COL12A1: variants seen among roughly 807,000 people sequenced by gnomAD.
COL12A1 encodes collagen type XII alpha 1 chain.
A neutral mutation model predicts 349.7 loss-of-function variants in COL12A1; 114 were observed. The observed-to-expected ratio is 0.33, with a 90% CI of 0.28 to 0.38. The LOEUF (loss-of-function observed/expected upper bound fraction) is 0.38, where lower values mean the gene tolerates loss of function less well. COL12A1 is among the 10% of genes least tolerant of loss of function. The pLI is 1.00. For missense variants in COL12A1, 3,284 were observed against 3,756.9 expected, an observed-to-expected ratio of 0.87 and a Z score of 3.29; for synonymous variants, 1,369 against 1,329.0, an observed-to-expected ratio of 1.03 and a Z score of -0.66.
Position 75,183,064 on chromosome 6 carries a change from G to A in COL12A1, c.1877C>T (p.Ala626Val), listed in dbSNP as rs369924790. The A allele has an allele frequency of 5.6e-6, 9 of 1,604,288 alleles. No individual in the cohort carries two copies. Among genetic ancestry groups the A allele is most frequent in the Middle Eastern group, 1.7e-4 (1 of 6,018 alleles). ...ICLRIEQELA[A>V]IKKKAYVPPK... Reference sequence around the variant, plus strand: ...AGTCTACTAACCTTTCTTCTTTATAGCTGCCAATTCTTGCTCAATTCTAAG... The same window carrying A: ...AGTCTACTAACCTTTCTTCTTTATAACTGCCAATTCTTGCTCAATTCTAAG... Residue 626 changes from alanine (A) to valine (V), a missense_variant, in exon 10 of 66, where the codon GCT becomes GTT. By Grantham distance (64) the Ala-to-Val change is moderately conservative (BLOSUM62 0). Around this residue, in one of 2 missense-constraint regions of COL12A1, gnomAD observed 2,601 missense variants for 2,824.8 expected, o/e 0.92. Coordinates refer to ENST00000322507, the MANE Select transcript of COL12A1 (RefSeq NM_004370.6).
chr6:75,182,730 A>G (rs1013961168), intron 10 of COL12A1, among the ~76,000 whole-genome samples: 49 of 152,172 alleles, frequency 3.2e-4, no homozygotes, highest in African/African-American at 1.1e-3. Context: ...CATAGTGAAC[A>G]CCCCATACAT....
At position 75,130,951 on chromosome 6, in the gene COL12A1, G is replaced by A; in HGVS notation, c.5968C>T (p.His1990Tyr). 7.4e-6 allele frequency: 12 copies of A among 1,614,160 alleles called. No individual in the cohort carries two copies. The highest frequency in any genetic ancestry group is 1.0e-5 in the Non-Finnish European group (12 of 1,180,006). ...IVVPGNTRMVHLERLIPDTLY... is the reference protein window; with the variant it reads ...IVVPGNTRMVYLERLIPDTLY... ...GTGTCCGGAATCAGCCGCTCCAGAT[G>A]CACCATGCGCGTGTTTCCTGGCACT... The change falls in exon 36 of 66, where the codon CAT (histidine) becomes TAT (tyrosine). Residue 1990 changes from histidine (H) to tyrosine (Y), a missense_variant. Transcript: ENST00000322507.
chr6:75,187,016 G>A (rs992615836), intron 8 of COL12A1, among the ~76,000 whole-genome samples: 1 of 151,784 alleles, frequency 6.6e-6, no homozygotes, highest in African/African-American at 2.4e-5. Flanking sequence ...AATAACTAAT[G>A]GGTACTAGGC....
chr6:75,201,542 C>T (rs1299444376), intron 2 of COL12A1, among the ~76,000 whole-genome samples: 2 of 151,874 alleles, frequency 1.3e-5, no homozygotes, highest in African/African-American at 4.8e-5. Context: ...TCTAAAAAAG[C>T]ACACCTCAAC....
At chr6:75,130,773 T>A in intron 36 of COL12A1, 79 bp downstream of exon 36, 1 of 1,568,288 alleles carries the variant, frequency 6.4e-7, no homozygotes, top group South Asian at 1.2e-5. Flanking sequence ...ACCACCCCCC[T>A]CCCACCACTC....
At chr6:75,120,187 AG>A (rs1208991440) in intron 44 of COL12A1, among the ~76,000 whole-genome samples, 1 of 152,206 alleles carries the variant, frequency 6.6e-6, no homozygotes, top group Non-Finnish European at 1.5e-5. Flanking sequence ...GGATGAAAAA[AG>A]CTTGCTAGTT....
At chr6:75,134,909 A>G in intron 31 of COL12A1, 54 bp from the exon 32 acceptor site, 1 of 1,555,258 alleles carries the variant, frequency 6.4e-7, no homozygotes. Flanking sequence ...CATCTCACTA[A>G]TCTGTTAGAA....
At chr6:75,143,954 G>A (rs1288980865) in intron 25 of COL12A1, among the ~76,000 whole-genome samples, 2 of 152,166 alleles carry the variant, frequency 1.3e-5, no homozygotes, top group Non-Finnish European at 2.9e-5. Flanking sequence ...GGGGAAGGAG[G>A]ATACGGAATG....
intron 13 of COL12A1, among the ~76,000 whole-genome samples, chr6:75,171,366 C>A (rs1320868448): frequency 6.6e-6 from 1 of 152,190 alleles, no homozygotes; most frequent in Non-Finnish European, 1.5e-5. Context: ...GCTAATAAAT[C>A]TCTCTTCCAG....
rs770191870 is a variant in COL12A1 at position 75,130,159 on chromosome 6, C to A, written c.6142G>T (p.Ala2048Ser). ...CTGTACTGCTGAACTGGCCCATCAG[C>A]ATGATCCCAGGCTACCGAGAGGCTA... Reference protein sequence around the residue: ...TNSLSVAWDHADGPVQQYRII... With the variant: ...TNSLSVAWDHSDGPVQQYRII... Residue 2048 changes from alanine to serine, a missense_variant, in exon 37 of 66, where the codon GCT (alanine) becomes TCT (serine). By Grantham distance (99) the Ala-to-Ser change is moderately conservative. Coordinates refer to ENST00000322507, the MANE Select transcript of COL12A1 (RefSeq NM_004370.6). 1.9e-6 allele frequency: 3 copies of A among 1,614,104 alleles called. No homozygotes were observed. In the East Asian group the frequency reaches 6.7e-5, roughly 36 times the overall value.
rs755159927 is a variant in COL12A1 at position 75,121,340 on chromosome 6, C to T, written c.7048G>A (p.Val2350Met). ...NKVVKFIFNT[V>M]GGFDEISPAG... ...GGACTGATTTCATCAAAGCCTCCCACAGTATTGAAGATGAATTTTACAACT... is the reference window on the plus strand; with the variant it reads ...GGACTGATTTCATCAAAGCCTCCCATAGTATTGAAGATGAATTTTACAACT... Residue 2350 changes from valine (V) to methionine (M), a missense_variant, in exon 44 of 66, where the codon GTG becomes ATG. By Grantham distance (21) the Val-to-Met change is conservative. Coordinates refer to ENST00000322507, the MANE Select transcript of COL12A1 (RefSeq NM_004370.6). 6.2e-7 allele frequency: 1 copy of T among 1,611,626 alleles called. No individual in the cohort carries two copies. Among genetic ancestry groups the T allele is most frequent in the Admixed American group, 1.7e-5 (1 of 59,968 alleles).
chr6:75,107,305 C>A (rs995856908), intron 52 of COL12A1, among the ~76,000 whole-genome samples: 2 of 152,106 alleles, frequency 1.3e-5, no homozygotes, highest in African/African-American at 2.4e-5. Context: ...TGGAGTCTCA[C>A]TGTTGCCCAG....
chr6:75,090,376 G>T lies in COL12A1; in HGVS notation c.8753-78C>A. 7.3e-7 allele frequency: 1 copy of T among 1,377,984 alleles called. No homozygotes were observed. The highest frequency in any genetic ancestry group is 9.9e-7 in the Non-Finnish European group (1 of 1,007,704). 85.4% of individuals were successfully genotyped at this position (1,377,984 alleles called of 1,614,324 possible). On this transcript the variant is annotated intron_variant, in intron 62 of 65. Coordinates refer to ENST00000322507, the MANE Select transcript of COL12A1 (RefSeq NM_004370.6). The surrounding 1 kb of genome is among the most constrained non-coding windows in gnomAD (Gnocchi z 4.1). ...GAGAGTGAAACTGTTTTCTCTTAGT[G>T]TCTAGTGAAATCCATCTCCATTCTG...
intron 54 of COL12A1, among the ~76,000 whole-genome samples, chr6:75,104,664 G>GT (rs1188347053): frequency 6.6e-6 from 1 of 152,138 alleles, no homozygotes; most frequent in Non-Finnish European, 1.5e-5. Flanking sequence ...CACTTTCTTG[G>GT]TTTTCCCTCC....
intron 38 of COL12A1, among the ~76,000 whole-genome samples, 177 bp downstream of exon 38, chr6:75,128,119 C>T (rs911669756): frequency 8.0e-5 from 12 of 150,360 alleles, no homozygotes; most frequent in African/African-American, 2.9e-4. Context: ...AAACAAATTC[C>T]TTTCACATGT....
chr6:75,168,275 C>A (rs1179088934), intron 13 of COL12A1, among the ~76,000 whole-genome samples: 1 of 152,190 alleles, frequency 6.6e-6, no homozygotes, highest in Admixed American at 6.5e-5. Context: ...TGTTACATTA[C>A]AACCAGGAAT....
At chr6:75,128,575 T>C (rs1364138507) in intron 37 of COL12A1, 150 bp from the exon 38 acceptor site, 3 of 600,148 alleles carry the variant, frequency 5.0e-6, no homozygotes, top group Non-Finnish European at 4.9e-6. Context: ...AGACAAACTA[T>C]CTTCACTTCT....
intron 16 of COL12A1, among the ~76,000 whole-genome samples, chr6:75,155,375 C>A (rs1463541354): frequency 6.6e-6 from 1 of 152,116 alleles, no homozygotes; most frequent in Non-Finnish European, 1.5e-5. Context: ...TTCTTAAAAG[C>A]AGGGTGTTAT....
intron 35 of COL12A1, among the ~76,000 whole-genome samples, 176 bp downstream of exon 35, chr6:75,131,764 C>A (rs948668757): frequency 6.6e-6 from 1 of 152,156 alleles, no homozygotes; most frequent in African/African-American, 2.4e-5. Flanking sequence ...TCCCAAAATT[C>A]TTTTTATTCT....
Sources: gnomAD v4.1 joint callset for allele counts (sites outside exome capture counted in the v4.1 genomes callset) on GRCh38, gnomAD v4.1.1 for gene constraint, gnomAD v4.1.1 regional missense constraint, Gnocchi (gnomAD v3.1) non-coding constraint, MANE v1.5 for transcripts, NCBI Gene and HGNC (gene_info 2026-07-23, HGNC 2026-07-21) for gene names.